PPM1H: variants seen among roughly 807,000 people sequenced by gnomAD.
PPM1H encodes protein phosphatase 1H.
PPM1H carries 27 observed loss-of-function variants against 54.9 expected under a neutral mutation model. That is an observed-to-expected ratio of 0.49 (90% CI 0.36 to 0.68). The LOEUF is 0.68. Among genes scored for constraint, PPM1H ranks in the 30% least tolerant of loss-of-function variants. The pLI is 0.00. For synonymous variants in PPM1H, 305 were observed against 270.8 expected, an observed-to-expected ratio of 1.13 and a Z score of -1.24; for missense variants, 596 against 667.8, an observed-to-expected ratio of 0.89 and a Z score of 1.19.
intron 1 of PPM1H, among the ~76,000 whole-genome samples, chr12:62,931,319 C>A (rs913125717): frequency 3.9e-5 from 6 of 152,184 alleles, no homozygotes; most frequent in African/African-American, 1.4e-4. Context: ...CTCTCAGGTA[C>A]CTTCTAGTAC....
chr12:62,924,698 G>A (rs1871918279), intron 1 of PPM1H, among the ~76,000 whole-genome samples: 1 of 152,156 alleles, frequency 6.6e-6, no homozygotes, highest in Non-Finnish European at 1.5e-5. Context: ...GATGACATTT[G>A]ATAACAATAC....
rs146994568 is a variant in PPM1H, at chr12:62,756,066, G to A, written c.870-18480C>T. 1,755 of 1,195,984 alleles carry A rather than the reference G, an allele frequency of 1.5e-3. 15 individuals carry two copies. The African/African-American group carries it at 0.022, about 15-fold the overall frequency. 74.1% of individuals were successfully genotyped at this position (1,195,984 alleles called of 1,614,324 possible). A position where few individuals can be genotyped will look rare whatever the true frequency, so the allele number is the denominator to read the frequency against. On this transcript the variant is annotated intron_variant, in intron 4 of 9. Transcript: ENST00000228705. ...CATCCTGGGCTACACTGAGCACCAGGTTGTCTCCTCTGATTTTAACAGCGA... is the reference window on the plus strand; with the variant it reads ...CATCCTGGGCTACACTGAGCACCAGATTGTCTCCTCTGATTTTAACAGCGA...
At chr12:62,765,834 G>T (rs1176123198) in intron 4 of PPM1H, among the ~76,000 whole-genome samples, 1 of 152,346 alleles carries the variant, frequency 6.6e-6, no homozygotes, top group East Asian at 1.9e-4. Flanking sequence ...TGACAGAGGA[G>T]GAGGGCAGCA....
chr12:62,886,207 G>A (rs1158659884), intron 1 of PPM1H, among the ~76,000 whole-genome samples: 1 of 152,046 alleles, frequency 6.6e-6, no homozygotes. Context: ...GACACTCTAC[G>A]CCATGACTAT....
At chr12:62,831,569 G>T (rs570919273) in intron 2 of PPM1H, among the ~76,000 whole-genome samples, 4 of 152,050 alleles carry the variant, frequency 2.6e-5, no homozygotes, top group South Asian at 4.2e-4. Context: ...AGCAGGCAAG[G>T]AGGAGAAAGG....
At chr12:62,677,592 C>T (rs1432779478) in intron 8 of PPM1H, among the ~76,000 whole-genome samples, 3 of 152,178 alleles carry the variant, frequency 2.0e-5, no homozygotes, top group Non-Finnish European at 4.4e-5. Flanking sequence ...TGTGTAGTGG[C>T]CGAACCCTGT....
At chr12:62,821,448 G>A (rs538291256) in intron 2 of PPM1H, among the ~76,000 whole-genome samples, 6 of 152,220 alleles carry the variant, frequency 3.9e-5, no homozygotes, top group African/African-American at 1.2e-4. Context: ...CTCAAGAAGA[G>A]CAACCCCAAG....
At chr12:62,713,172 T>C (rs191083009) in intron 6 of PPM1H, among the ~76,000 whole-genome samples, 1 of 152,316 alleles carries the variant, frequency 6.6e-6, no homozygotes, top group African/African-American at 2.4e-5. Flanking sequence ...AGCCTGATGC[T>C]GTGGGGCTGT....
chr12:62,822,929 C>A (rs914422126), intron 2 of PPM1H, among the ~76,000 whole-genome samples: 6 of 151,940 alleles, frequency 3.9e-5, no homozygotes, highest in Admixed American at 2.0e-4. Context: ...CACAAAAAAC[C>A]CTTCAAAAAA....
intron 1 of PPM1H, among the ~76,000 whole-genome samples, chr12:62,838,406 C>T (rs1223837810): frequency 1.3e-5 from 2 of 151,730 alleles, no homozygotes; most frequent in African/African-American, 4.8e-5. Flanking sequence ...TTCTCTTTTC[C>T]AGGTAACCTC....
intron 8 of PPM1H, among the ~76,000 whole-genome samples, chr12:62,675,554 A>G (rs923532405): frequency 4.6e-5 from 7 of 152,220 alleles, no homozygotes; most frequent in African/African-American, 1.4e-4. Context: ...AGATGAACCA[A>G]GTTGCCTCAA....
chr12:62,851,441 G>A (rs759176561), intron 1 of PPM1H, among the ~76,000 whole-genome samples: 2 of 152,182 alleles, frequency 1.3e-5, no homozygotes, highest in Non-Finnish European at 2.9e-5. Context: ...AGTGGCTCAC[G>A]CCTGTAATCC....
At chr12:62,831,465 T>C (rs942078158) in intron 2 of PPM1H, among the ~76,000 whole-genome samples, 4 of 152,088 alleles carry the variant, frequency 2.6e-5, no homozygotes, top group Non-Finnish European at 4.4e-5. Context: ...GTGTTCAGTC[T>C]GCAAGGCCAC....
chr12:62,911,601 T>C (rs772562), intron 1 of PPM1H, among the ~76,000 whole-genome samples: 93,755 of 152,018 alleles, frequency 0.62, 29,486 homozygotes, highest in Non-Finnish European at 0.68. Flanking sequence ...TATTTCTGAG[T>C]CTTTGCACAT....
chr12:62,737,624 A>C, intron 4 of PPM1H, 38 bp from the exon 5 acceptor site: 37 of 1,350,836 alleles, frequency 2.7e-5, no homozygotes, highest in Non-Finnish European at 3.4e-5. Context: ...AGCCAATCTC[A>C]TAAATGCTCT....
chr12:62,685,147 G>T (rs1228574555), intron 8 of PPM1H, among the ~76,000 whole-genome samples: 1 of 151,896 alleles, frequency 6.6e-6, no homozygotes, highest in Non-Finnish European at 1.5e-5. Context: ...CTAAATTATA[G>T]GTGCACAGTG....
In PPM1H at chr12:62,644,214, T is replaced by C. The variant is rs143339976; in HGVS notation, c.*4275A>G. 6.6e-6 allele frequency: 1 copy of C among 152,272 alleles called. No homozygotes were observed. Among genetic ancestry groups the C allele is most frequent in the African/African-American group, 2.4e-5 (1 of 41,564 alleles). 9.4% of individuals were successfully genotyped at this position (152,272 alleles called of 1,614,324 possible). A position where few individuals can be genotyped will look rare whatever the true frequency, so the allele number is the denominator to read the frequency against. On this transcript the variant is annotated 3_prime_UTR_variant, in exon 10 of 10. Coordinates refer to ENST00000228705, the MANE Select transcript of PPM1H (RefSeq NM_020700.2). ...GAAACAATTTCCAGGCAGATTTCTC[T>C]CATTCACTGTACTAGGGTAGTTTTG...
intron 2 of PPM1H, among the ~76,000 whole-genome samples, chr12:62,824,366 T>C (rs777037750): frequency 1.3e-5 from 2 of 152,258 alleles, no homozygotes; most frequent in East Asian, 1.9e-4. Flanking sequence ...CATCAAGCTA[T>C]CAATGACTTT....
At chr12:62,729,943 C>T (rs954886169) in intron 5 of PPM1H, among the ~76,000 whole-genome samples, 2 of 152,088 alleles carry the variant, frequency 1.3e-5, no homozygotes, top group African/African-American at 4.8e-5. Flanking sequence ...GATGACATTT[C>T]ACCACAAAAG....
Sources: gnomAD v4.1 joint callset for allele counts (sites outside exome capture counted in the v4.1 genomes callset) on GRCh38, gnomAD v4.1.1 for gene constraint, MANE v1.5 for transcripts, NCBI Gene and HGNC (gene_info 2026-07-23, HGNC 2026-07-21) for gene names.